SIPA1L3: variants seen among roughly 807,000 people sequenced by gnomAD.
The protein encoded by SIPA1L3 is signal induced proliferation associated 1 like 3.
In SIPA1L3, 59 loss-of-function variants were observed where a neutral mutation model predicts 150.1. The ratio of observed to expected loss-of-function variants is 0.39; its 90% CI spans 0.32 to 0.49. The LOEUF (loss-of-function observed/expected upper bound fraction) is 0.49, where lower values mean the gene tolerates loss of function less well. Among genes scored for constraint, SIPA1L3 ranks in the 20% least tolerant of loss-of-function variants. The probability of loss-of-function intolerance (pLI) is 0.86; values close to 1 mark genes in which losing one functional copy is unlikely to be tolerated. For synonymous variants in SIPA1L3, 1,070 were observed against 1,077.6 expected (o/e 0.99, Z 0.14); for missense variants, 2,211 against 2,489.5 (o/e 0.89, Z 2.38).
At chr19:38,028,473 G>A (rs941622327) in intron 1 of SIPA1L3, among the ~76,000 whole-genome samples, 17 of 152,198 alleles carry the variant, frequency 1.1e-4, no homozygotes, top group African/African-American at 3.9e-4. Context: ...CCTCGTCCGG[G>A]AGGCCTTCCC....
At chr19:38,101,857 C>T (rs1395661173) in intron 6 of SIPA1L3, among the ~76,000 whole-genome samples, 3 of 152,266 alleles carry the variant, frequency 2.0e-5, no homozygotes, top group African/African-American at 7.2e-5. Context: ...TCCCTAACCA[C>T]CGGCACCTCG....
intron 1 of SIPA1L3, among the ~76,000 whole-genome samples, chr19:37,953,107 C>T (rs1203925091): frequency 2.6e-5 from 4 of 152,178 alleles, no homozygotes. Context: ...GCCTGTAGTC[C>T]CAGCTACTCA....
At chr19:37,940,028 G>A (rs568121043) in intron 1 of SIPA1L3, among the ~76,000 whole-genome samples, 3 of 152,262 alleles carry the variant, frequency 2.0e-5, no homozygotes, top group East Asian at 3.9e-4. Flanking sequence ...AAAAGCAAAC[G>A]GGGTCTCCAC....
chr19:37,933,028 C>G (rs780605306), intron 1 of SIPA1L3, among the ~76,000 whole-genome samples: 3 of 152,152 alleles, frequency 2.0e-5, no homozygotes, highest in Non-Finnish European at 4.4e-5. Flanking sequence ...GCTTTCCTCT[C>G]TGGGCCTCAG....
chr19:37,975,305 G>T (rs1319217732), intron 1 of SIPA1L3, among the ~76,000 whole-genome samples: 1 of 152,144 alleles, frequency 6.6e-6, no homozygotes, highest in Non-Finnish European at 1.5e-5. Flanking sequence ...TGGCAAGGAG[G>T]GCTTCCCGAG....
chr19:37,961,512 C>CTTGTCT (rs1368285416), intron 1 of SIPA1L3, among the ~76,000 whole-genome samples: 3 of 152,072 alleles, frequency 2.0e-5, no homozygotes, highest in Non-Finnish European at 4.4e-5. Context: ...AGCTTTTCTC[C>CTTGTCT]TTGTCTTTGT....
intron 1 of SIPA1L3, among the ~76,000 whole-genome samples, chr19:38,016,982 C>T (rs539538273): frequency 8.9e-5 from 13 of 145,688 alleles, no homozygotes; most frequent in Non-Finnish European, 1.2e-4. Flanking sequence ...CTGCAGCCTC[C>T]GGCTCCCGGG....
At chr19:37,911,858 CAGG>C in intron 1 of SIPA1L3, among the ~76,000 whole-genome samples, 1 of 151,770 alleles carries the variant, frequency 6.6e-6, no homozygotes, top group East Asian at 1.9e-4. Context: ...GGTGGTGGCT[CAGG>C]AGATCGAGAC....
rs1389290318 is a variant in SIPA1L3 at position 38,082,543 on chromosome 19, C to T, written c.978C>T (p.Ser326=). 3.8e-6 allele frequency: 6 copies of T among 1,599,834 alleles called. No homozygotes were observed. Among genetic ancestry groups the T allele is most frequent in the Non-Finnish European group, 4.3e-6 (5 of 1,174,474 alleles). ...CGGGGGAGGCCGACGAGGGCCGGAG[C>T]CCCCCGGAAGCCAGCAGGCCGTGGG... The part of the protein sequence containing the change: ...RSPGEADEGR[S]PPEASRPWVC... The change falls in exon 3 of 22, where the codon AGC becomes AGT. Residue 326 remains serine (S), a synonymous_variant. Transcript: ENST00000222345.
intron 15 of SIPA1L3, among the ~76,000 whole-genome samples, chr19:38,171,422 C>T (rs910341965): frequency 1.1e-4 from 11 of 104,010 alleles, no homozygotes; most frequent in African/African-American, 2.8e-4. Context: ...GATGGAGTTT[C>T]GCTCTTGTTG....
chr19:38,026,289 A>G (rs1394496875), intron 1 of SIPA1L3, among the ~76,000 whole-genome samples: 1 of 152,164 alleles, frequency 6.6e-6, no homozygotes, highest in Non-Finnish European at 1.5e-5. Context: ...AGCAGCTCCA[A>G]GGGAAATAAA....
chr19:38,110,091 T>G, intron 7 of SIPA1L3, 136 bp from the exon 8 acceptor site: 1 of 810,850 alleles, frequency 1.2e-6, no homozygotes, highest in Non-Finnish European at 2.0e-6. Context: ...GTCACCTGAC[T>G]CGGGCATTCC....
At chr19:38,036,544 C>T (rs1226496514) in intron 2 of SIPA1L3, among the ~76,000 whole-genome samples, 1 of 152,230 alleles carries the variant, frequency 6.6e-6, no homozygotes, top group Non-Finnish European at 1.5e-5. Context: ...CCATTCCCCG[C>T]TTCTGTTCTT....
intron 1 of SIPA1L3, among the ~76,000 whole-genome samples, chr19:37,948,609 C>A (rs561677022): frequency 6.6e-6 from 1 of 152,104 alleles, no homozygotes; most frequent in Non-Finnish European, 1.5e-5. Flanking sequence ...AGATACCACT[C>A]GGGTATTTCC....
intron 1 of SIPA1L3, among the ~76,000 whole-genome samples, chr19:38,027,762 C>T (rs1228854952): frequency 6.6e-6 from 1 of 151,860 alleles, no homozygotes; most frequent in Non-Finnish European, 1.5e-5. Flanking sequence ...AATGATCCTC[C>T]CATCTTAGCC....
At chr19:37,978,598 A>G (rs1448842349) in intron 1 of SIPA1L3, among the ~76,000 whole-genome samples, 1 of 152,222 alleles carries the variant, frequency 6.6e-6, no homozygotes, top group Non-Finnish European at 1.5e-5. Context: ...TTGTCCTTCT[A>G]TACCATGCAC....
At chr19:38,156,216 C>G (rs898694244) in intron 13 of SIPA1L3, among the ~76,000 whole-genome samples, 2 of 152,060 alleles carry the variant, frequency 1.3e-5, no homozygotes, top group Admixed American at 6.6e-5. Flanking sequence ...ATGTCACTGC[C>G]TGCAATTCTG....
In SIPA1L3 at chr19:38,206,219, C is replaced by A; in HGVS notation, c.5325C>A (p.Cys1775Ter). Reference sequence around the variant, plus strand: ...TGCGCAAGTTTGCGGAGATCTTCTGCAGGGAGAAGAAGGAGCTCTGAGGTG... The same window carrying A: ...TGCGCAAGTTTGCGGAGATCTTCTGAAGGGAGAAGAAGGAGCTCTGAGGTG... ...EQLRKFAEIF[C>*]REKKEL The change falls in exon 22 of 22, where the codon TGC (cysteine) becomes TGA (stop). Residue 1775 changes from cysteine to a stop codon, truncating the protein, a stop_gained. Transcript: ENST00000222345. LOFTEE classifies it high-confidence loss of function. 6.4e-7 allele frequency: 1 copy of A among 1,561,680 alleles called. No homozygotes were observed. The highest frequency in any genetic ancestry group is 8.7e-7 in the Non-Finnish European group (1 of 1,152,368).
At chr19:37,980,661 G>A (rs964490761) in intron 1 of SIPA1L3, among the ~76,000 whole-genome samples, 1 of 139,206 alleles carries the variant, frequency 7.2e-6, no homozygotes, top group African/African-American at 2.9e-5. Context: ...AAGGCCTGAT[G>A]GTCAATGGAG....
Sources: allele counts gnomAD v4.1 joint callset (sites outside exome capture counted in the v4.1 genomes callset), GRCh38; gene constraint gnomAD v4.1.1; transcripts MANE v1.5; gene names NCBI Gene and HGNC (gene_info 2026-07-23, HGNC 2026-07-21).